The following RAB6B variants were observed in gnomAD, a reference collection of about 807,000 sequenced individuals.
RAB6B encodes the protein ras-related protein Rab-6B.
RAB6B carries 7 observed loss-of-function variants against 31.2 expected under a neutral mutation model. The ratio of observed to expected loss-of-function variants is 0.22; its 90% CI spans 0.13 to 0.42. The LOEUF (loss-of-function observed/expected upper bound fraction) is 0.42. RAB6B is among the 10% of genes least tolerant of loss of function. The probability of loss-of-function intolerance (pLI) is 1.00; values close to 1 mark genes in which losing one functional copy is unlikely to be tolerated. For missense variants in RAB6B, 149 were observed against 280.6 expected (o/e 0.53, Z 3.35); for synonymous variants, 105 against 104.9 (o/e 1.00, Z -0.01).
At position 133,828,070 on chromosome 3, in the gene RAB6B, G is replaced by A; in HGVS notation, c.*718C>T. The stretch of plus-strand genomic sequence containing the variant: ...TGCCTGTACCCTCAACCCCCTTCAA[G>A]GCTTTTCAGGGAAAGAGAAGGAGAG... On this transcript the variant is annotated 3_prime_UTR_variant, in exon 8 of 8. Coordinates refer to ENST00000285208, the MANE Select transcript of RAB6B (RefSeq NM_016577.4). 1 of 682,422 alleles carries A rather than the reference G, an allele frequency of 1.5e-6. No individual in the cohort carries two copies. Among genetic ancestry groups the A allele is most frequent in the Non-Finnish European group, 2.7e-6 (1 of 372,690 alleles). The allele number at this position is 682,422 out of a possible 1,614,324, so 42.3% of individuals were successfully genotyped here.
chr3:133,841,807 C>T (rs1935837424), intron 2 of RAB6B, 144 bp from the exon 3 acceptor site: 1 of 721,500 alleles, frequency 1.4e-6, no homozygotes. Context: ...CCTCCCTGCC[C>T]CTCCCTGCTA....
chr3:133,827,748 C>CA lies in RAB6B; in HGVS notation c.*1039_*1040insT, dbSNP rs1559896927. ...AAGGTGGTGGTTCTGCAGACAACACCCCCCCCCCCCCCCGCCTCCCCATCA... is the reference window on the plus strand; with the variant it reads ...AAGGTGGTGGTTCTGCAGACAACACCACCCCCCCCCCCCCGCCTCCCCATCA... On this transcript the variant is annotated 3_prime_UTR_variant, in exon 8 of 8. Transcript: ENST00000285208. 5.0e-4 allele frequency: 8 copies of CA among 15,978 alleles called. No individual in the cohort carries two copies. Among genetic ancestry groups the CA allele is most frequent in the South Asian group, 1.5e-3 (1 of 674 alleles). The allele number at this position is 15,978 out of a possible 1,614,324, so 1.0% of individuals were successfully genotyped here.
intron 1 of RAB6B, among the ~76,000 whole-genome samples, chr3:133,868,941 C>G (rs1417564454): frequency 6.6e-6 from 1 of 152,108 alleles, no homozygotes; most frequent in African/African-American, 2.4e-5. Flanking sequence ...GGGATAGGAG[C>G]ACAGATTTGA....
chr3:133,852,087 C>T (rs887867152), intron 2 of RAB6B, among the ~76,000 whole-genome samples: 3 of 152,238 alleles, frequency 2.0e-5, no homozygotes, highest in Non-Finnish European at 4.4e-5. Context: ...TTTTGCGAGG[C>T]AGCTGGGCTT....
intron 2 of RAB6B, among the ~76,000 whole-genome samples, chr3:133,857,839 A>G (rs1218597180): frequency 6.6e-6 from 1 of 152,082 alleles, no homozygotes; most frequent in Non-Finnish European, 1.5e-5. Context: ...CCTCTTCTCT[A>G]TGTAACCCAC....
chr3:133,875,474 A>C (rs777062619), intron 1 of RAB6B, among the ~76,000 whole-genome samples: 13 of 152,180 alleles, frequency 8.5e-5, no homozygotes, highest in Non-Finnish European at 1.8e-4. Context: ...GTTATAAGAG[A>C]AGTTCTGGAG....
At chr3:133,850,036 CATAG>C (rs1935956198) in intron 2 of RAB6B, among the ~76,000 whole-genome samples, 1 of 151,972 alleles carries the variant, frequency 6.6e-6, no homozygotes, top group Non-Finnish European at 1.5e-5. Flanking sequence ...CTGGAAGTGA[CATAG>C]ATACAGAGAG....
chr3:133,887,157 C>T (rs1174890982), intron 1 of RAB6B, among the ~76,000 whole-genome samples: 1 of 152,188 alleles, frequency 6.6e-6, no homozygotes, highest in Non-Finnish European at 1.5e-5. Context: ...GAAAGGGGTG[C>T]CCCTGGGCTA....
chr3:133,871,481 C>T (rs768359992), intron 1 of RAB6B, among the ~76,000 whole-genome samples: 1 of 152,226 alleles, frequency 6.6e-6, no homozygotes, highest in Non-Finnish European at 1.5e-5. Flanking sequence ...CCACATTTCT[C>T]CACAGCTGCC....
intron 2 of RAB6B, among the ~76,000 whole-genome samples, chr3:133,848,930 C>CA (rs1183491620): frequency 6.6e-6 from 1 of 152,110 alleles, no homozygotes; most frequent in Admixed American, 6.5e-5. Context: ...AGAGATAGCT[C>CA]AAACACTTCA....
chr3:133,828,941 C>G (rs1332721721), intron 7 of RAB6B, 89 bp from the exon 8 acceptor site: 1 of 1,235,536 alleles, frequency 8.1e-7, no homozygotes, highest in South Asian at 1.5e-5. Flanking sequence ...GGCTACTGCT[C>G]TGTTTCTCTG....
chr3:133,843,573 T>A (rs1426612499), intron 2 of RAB6B, among the ~76,000 whole-genome samples: 7 of 152,118 alleles, frequency 4.6e-5, no homozygotes, highest in Non-Finnish European at 8.8e-5. Context: ...ACCAGGTGCA[T>A]GAGCTTAGGA....
chr3:133,872,653 A>T (rs1936342520), intron 1 of RAB6B, among the ~76,000 whole-genome samples: 1 of 152,144 alleles, frequency 6.6e-6, no homozygotes, highest in South Asian at 2.1e-4. Context: ...GCAGCCCCAA[A>T]CTGGGCATGC....
intron 7 of RAB6B, among the ~76,000 whole-genome samples, chr3:133,833,378 A>T (rs1935683538): frequency 6.6e-6 from 1 of 152,026 alleles, no homozygotes; most frequent in Non-Finnish European, 1.5e-5. Context: ...TCCTCTGGTG[A>T]CACACAGACC....
At chr3:133,847,445 A>G (rs900193004) in intron 2 of RAB6B, among the ~76,000 whole-genome samples, 1 of 152,184 alleles carries the variant, frequency 6.6e-6, no homozygotes, top group African/African-American at 2.4e-5. Context: ...ATGCTTTCTC[A>G]GCCATCTCCT....
chr3:133,856,856 T>C (rs775931915), intron 2 of RAB6B, among the ~76,000 whole-genome samples: 8 of 152,152 alleles, frequency 5.3e-5, no homozygotes, highest in African/African-American at 1.2e-4. Context: ...GCCAGAGTGA[T>C]TGGCATTCAG....
intron 2 of RAB6B, among the ~76,000 whole-genome samples, chr3:133,853,092 A>T (rs1026039317): frequency 6.6e-6 from 1 of 152,144 alleles, no homozygotes; most frequent in Non-Finnish European, 1.5e-5. Flanking sequence ...TCAGACAAAA[A>T]GAACAACTAG....
chr3:133,880,318 G>T (rs537849931), intron 1 of RAB6B, among the ~76,000 whole-genome samples: 1 of 152,354 alleles, frequency 6.6e-6, no homozygotes, highest in East Asian at 1.9e-4. Flanking sequence ...GAAGGCTGAG[G>T]CAGGGAGAAT....
rs189315857 is a variant in RAB6B, at chr3:133,859,573, C to T, written c.129+5011G>A. 2.9e-3 allele frequency among the ~76,000 whole-genome samples: 447 copies of T among 152,282 alleles called. 1 individual carries two copies. The highest frequency in any genetic ancestry group is 5.2e-3 in the Non-Finnish European group (354 of 68,014). ...AGGCAGTGCGAGGGCTTTTTAGGCCCGAGTCTCTGTTTGTTAAGGTCATGC... is the reference window on the plus strand; with the variant it reads ...AGGCAGTGCGAGGGCTTTTTAGGCCTGAGTCTCTGTTTGTTAAGGTCATGC... On this transcript the variant is annotated intron_variant, in intron 2 of 7. Transcript: ENST00000285208.
Sources: gnomAD v4.1 joint callset for allele counts (sites outside exome capture counted in the v4.1 genomes callset) on GRCh38, gnomAD v4.1.1 for gene constraint, MANE v1.5 for transcripts, NCBI Gene and HGNC (gene_info 2026-07-23, HGNC 2026-07-21) for gene names.